The following SDK1 variants were observed in gnomAD, a reference collection of about 807,000 sequenced individuals.
The protein encoded by SDK1 is protein sidekick-1.
A neutral mutation model predicts 245.5 loss-of-function variants in SDK1; 157 were observed. That is an observed-to-expected ratio of 0.64 (90% CI 0.56 to 0.73). SDK1 has a LOEUF of 0.73. Among genes scored for constraint, SDK1 ranks in the 30% least tolerant of loss-of-function variants. SDK1 has a pLI of 0.00. For synonymous variants in SDK1, 1,647 were observed against 1,278.5 expected (o/e 1.29, Z -6.15); for missense variants, 3,583 against 3,002.3 (o/e 1.19, Z -4.52).
intron 4 of SDK1, among the ~76,000 whole-genome samples, chr7:3,654,004 T>C (rs942899380): frequency 6.6e-6 from 1 of 152,166 alleles, no homozygotes; most frequent in Non-Finnish European, 1.5e-5. Flanking sequence ...AAAAAAGGTA[T>C]GCAGGGGTGT....
At chr7:4,188,921 A>G (rs688020) in intron 35 of SDK1, among the ~76,000 whole-genome samples, 66,491 of 152,032 alleles carry the variant, frequency 0.44, 15,519 homozygotes, top group Middle Eastern at 0.65. Context: ...CTGTTGCCCT[A>G]GTACTTCTAA....
intron 1 of SDK1, among the ~76,000 whole-genome samples, chr7:3,564,919 G>T (rs1444966281): frequency 6.6e-6 from 1 of 151,910 alleles, no homozygotes; most frequent in Non-Finnish European, 1.5e-5. Flanking sequence ...GCAAAAATGC[G>T]ATTATCTCAA....
chr7:3,394,504 T>A (rs1283706072), intron 1 of SDK1, among the ~76,000 whole-genome samples: 1 of 152,154 alleles, frequency 6.6e-6, no homozygotes, highest in Admixed American at 6.5e-5. Flanking sequence ...TTATTCTAAA[T>A]GTTTTGCATT....
intron 4 of SDK1, among the ~76,000 whole-genome samples, chr7:3,777,364 T>C (rs776011983): frequency 3.9e-4 from 59 of 152,254 alleles, no homozygotes; most frequent in Non-Finnish European, 1.3e-4. Flanking sequence ...AGGAAGACTT[T>C]ATGGCTATCA....
intron 1 of SDK1, among the ~76,000 whole-genome samples, chr7:3,569,664 A>C (rs552818545): frequency 6.6e-6 from 1 of 152,334 alleles, no homozygotes; most frequent in South Asian, 2.1e-4. Context: ...GACCCTCAGG[A>C]AGTGGCAGCC....
intron 4 of SDK1, among the ~76,000 whole-genome samples, chr7:3,754,894 C>G (rs1308606500): frequency 6.6e-6 from 1 of 152,174 alleles, no homozygotes; most frequent in Non-Finnish European, 1.5e-5. Context: ...CCTTCACCAG[C>G]TTCCCTTCTA....
chr7:3,386,480 CAG>C (rs1380024378), intron 1 of SDK1, among the ~76,000 whole-genome samples: 2 of 152,212 alleles, frequency 1.3e-5, no homozygotes, highest in African/African-American at 4.8e-5. Flanking sequence ...TTAGAGTTAA[CAG>C]AGCTGTCTAG....
intron 1 of SDK1, among the ~76,000 whole-genome samples, chr7:3,568,028 C>T (rs950838166): frequency 6.6e-6 from 1 of 152,034 alleles, no homozygotes; most frequent in Non-Finnish European, 1.5e-5. Context: ...ACTATGTTGT[C>T]CAGGCTGGTC....
intron 4 of SDK1, among the ~76,000 whole-genome samples, chr7:3,731,290 A>G (rs1779170537): frequency 6.6e-6 from 1 of 152,192 alleles, no homozygotes; most frequent in Admixed American, 6.5e-5. Context: ...AGAGAAAGAA[A>G]AAACATACAA....
chr7:3,958,301 G>T (rs780971467), intron 7 of SDK1: 16 of 279,758 alleles, frequency 5.7e-5, no homozygotes, highest in Non-Finnish European at 8.3e-5. Context: ...GCTCTCCAAG[G>T]AAATTCATTG....
chr7:3,372,683 GGAGTTT>G (rs1282875658), intron 1 of SDK1, among the ~76,000 whole-genome samples: 1 of 152,134 alleles, frequency 6.6e-6, no homozygotes, highest in African/African-American at 2.4e-5. Context: ...TGTGAGAGTT[GGAGTTT>G]GTTACTTGCA....
At chr7:3,475,679 A>T (rs1170828174) in intron 1 of SDK1, among the ~76,000 whole-genome samples, 1 of 152,236 alleles carries the variant, frequency 6.6e-6, no homozygotes, top group African/African-American at 2.4e-5. Context: ...CCAGGGGAGA[A>T]TGGTATTAAA....
At chr7:3,462,870 A>T (rs1562500637) in intron 1 of SDK1, among the ~76,000 whole-genome samples, 1 of 152,166 alleles carries the variant, frequency 6.6e-6, no homozygotes, top group Non-Finnish European at 1.5e-5. Context: ...CTTTTGGGAA[A>T]CAGAAGTGAT....
In SDK1 at chr7:4,265,719, C is replaced by G. The variant is rs1350105042; in HGVS notation, c.*335C>G. 2.3e-5 allele frequency: 25 copies of G among 1,096,206 alleles called. No individual in the cohort carries two copies. The highest frequency in any genetic ancestry group is 2.8e-5 in the Non-Finnish European group (25 of 905,070). 67.9% of individuals were successfully genotyped at this position (1,096,206 alleles called of 1,614,324 possible). On this transcript the variant is annotated 3_prime_UTR_variant, in exon 45 of 45. Transcript: ENST00000404826. The stretch of plus-strand genomic sequence containing the variant: ...TGGGTTTCTCCGTCTTCAAGACCAA[C>G]TAGGAAGGGTCAAGCGGGGAGAGGG...
At chr7:3,421,569 T>C (rs569426792) in intron 1 of SDK1, among the ~76,000 whole-genome samples, 17 of 152,316 alleles carry the variant, frequency 1.1e-4, no homozygotes, top group Admixed American at 3.3e-4. Context: ...GTTTTCAGTA[T>C]TGAGCTGCTA....
chr7:3,335,209 T>C (rs1024910735), intron 1 of SDK1, among the ~76,000 whole-genome samples: 1 of 152,170 alleles, frequency 6.6e-6, no homozygotes, highest in Admixed American at 6.5e-5. Flanking sequence ...TCACTTAGAT[T>C]ATAAATACTA....
chr7:3,647,190 G>A lies in SDK1; in HGVS notation c.713+5085G>A, dbSNP rs368318397. On this transcript the variant is annotated intron_variant, in intron 4 of 44. Coordinates refer to ENST00000404826, the MANE Select transcript of SDK1 (RefSeq NM_152744.4). ...GGCTTGAGCCCAGTAGCTTGAAGCT[G>A]CAGTGAGCTGTGATCACGCTATAGC... is the stretch of plus-strand genomic sequence containing the variant. Among the ~76,000 whole-genome samples, 17 of 152,352 alleles carry A rather than the reference G, an allele frequency of 1.1e-4. No individual in the cohort carries two copies. In the East Asian group the frequency reaches 1.9e-3, roughly 17 times the overall value.
chr7:4,070,646 CT>C (rs1230332932), intron 20 of SDK1, among the ~76,000 whole-genome samples: 3 of 152,210 alleles, frequency 2.0e-5, no homozygotes, highest in African/African-American at 7.2e-5. Flanking sequence ...ACCAGATCCC[CT>C]GATAGAGCGG....
intron 4 of SDK1, among the ~76,000 whole-genome samples, chr7:3,726,423 T>C (rs994593893): frequency 3.3e-5 from 5 of 152,364 alleles, no homozygotes; most frequent in Admixed American, 6.5e-5. Flanking sequence ...GGAAACTGTT[T>C]TTGCAGTCTT....
Sources: gnomAD v4.1 joint callset for allele counts (sites outside exome capture counted in the v4.1 genomes callset) on GRCh38, gnomAD v4.1.1 for gene constraint, MANE v1.5 for transcripts, NCBI Gene and HGNC (gene_info 2026-07-23, HGNC 2026-07-21) for gene names.